Variants in HMCN1 observed in about 807,000 individuals in gnomAD.
HMCN1 encodes hemicentin 1.
Under a neutral mutation model 625.9 loss-of-function variants are expected in HMCN1, and 321 were observed. That is an observed-to-expected ratio of 0.51 (90% confidence interval 0.47 to 0.56). The LOEUF is 0.56. HMCN1 is among the 20% of genes least tolerant of loss of function. The pLI is 0.00. For missense variants in HMCN1, 6,588 were observed against 6,887.3 expected (o/e 0.96, Z 1.54); for synonymous variants, 2,425 against 2,417.6 (o/e 1.00, Z -0.09).
In HMCN1 at chr1:186,074,835, G is replaced by T. The variant is rs561957484; in HGVS notation, c.8234G>T (p.Cys2745Phe). The T allele has an allele frequency of 6.2e-7, 1 of 1,613,098 alleles. No homozygotes were observed. The change falls in exon 53 of 107, where the codon TGT becomes TTT. Residue 2745 changes from cysteine (C) to phenylalanine (F), a missense_variant. Transcript: ENST00000271588. ...AQISDTGRYT[C>F]VASNIAGEDE... ...ATATCAGACACCGGACGATATACTT[G>T]TGTAGCATCTAACATTGCAGGTGAA...
At chr1:185,749,488 T>A (rs1319851930) in intron 1 of HMCN1, among the ~76,000 whole-genome samples, 1 of 152,162 alleles carries the variant, frequency 6.6e-6, no homozygotes, top group Non-Finnish European at 1.5e-5. Context: ...CTCACGTTTA[T>A]CATCAACCCG....
chr1:185,885,870 G>A (rs1019619839), intron 4 of HMCN1, among the ~76,000 whole-genome samples: 22 of 151,944 alleles, frequency 1.4e-4, no homozygotes, highest in African/African-American at 5.3e-4. Flanking sequence ...GTAATACTGT[G>A]CTTTTCATAG....
chr1:186,056,480 A>G (rs1255818506), intron 45 of HMCN1, among the ~76,000 whole-genome samples: 1 of 151,996 alleles, frequency 6.6e-6, no homozygotes, highest in Admixed American at 6.6e-5. Context: ...TATTCACAGT[A>G]GCAAAGACAT....
intron 82 of HMCN1, among the ~76,000 whole-genome samples, chr1:186,126,254 C>CAT (rs141832430): frequency 0.47 from 70,890 of 151,198 alleles, 17,785 homozygotes; most frequent in African/African-American, 0.64. Flanking sequence ...CATAAATATT[C>CAT]ATATATATTC....
chr1:186,108,231 C>T (rs2102456579), intron 70 of HMCN1, among the ~76,000 whole-genome samples: 1 of 151,974 alleles, frequency 6.6e-6, no homozygotes, highest in South Asian at 2.1e-4. Flanking sequence ...AATTATATTA[C>T]TTCCATCATG....
chr1:185,817,362 ATGGGACAGT>A (rs1191925823), intron 1 of HMCN1, among the ~76,000 whole-genome samples: 4 of 152,218 alleles, frequency 2.6e-5, no homozygotes, highest in African/African-American at 9.6e-5. Context: ...CTCCAGGTTG[ATGGGACAGT>A]TGGAGCAAAG....
chr1:185,831,459 A>G (rs1660857591), intron 1 of HMCN1, among the ~76,000 whole-genome samples: 1 of 152,222 alleles, frequency 6.6e-6, no homozygotes, highest in South Asian at 2.1e-4. Context: ...GGGAAACACT[A>G]GAAGCACTTG....
chr1:185,783,866 T>G (rs900103452), intron 1 of HMCN1, among the ~76,000 whole-genome samples: 1 of 152,200 alleles, frequency 6.6e-6, no homozygotes, highest in African/African-American at 2.4e-5. Context: ...CTGTACCGTC[T>G]TCAAAGCTGT....
chr1:185,751,953 ACTGT>A (rs1401394137), intron 1 of HMCN1, among the ~76,000 whole-genome samples: 2 of 151,724 alleles, frequency 1.3e-5, no homozygotes, highest in Admixed American at 6.6e-5. Context: ...TGGTCTGCTG[ACTGT>A]CTGTCATTGT....
rs369263478 is a variant in HMCN1 at position 185,990,311 on chromosome 1, C to T, written c.3245C>T (p.Ser1082Phe). 76 of 1,613,850 alleles carry T rather than the reference C, an allele frequency of 4.7e-5. No homozygotes were observed. Among genetic ancestry groups the T allele is most frequent in the Non-Finnish European group, 6.1e-5 (72 of 1,179,900 alleles). The stretch of plus-strand genomic sequence containing the variant: ...GTGTTTGGAGATCAACGAGGACTGT[C>T]CCAGGATAAGCCTGTTGAGATCTCC... The part of the protein sequence containing the change: ...PRVFGDQRGL[S>F]QDKPVEISVL... The change falls in exon 22 of 107, where the codon TCC becomes TTC. Residue 1082 changes from serine (S) to phenylalanine (F), a missense_variant. Around this residue, in one of 3 missense-constraint regions of HMCN1, gnomAD observed 4,628 missense variants for 4,853.1 expected, o/e 0.95. Coordinates refer to ENST00000271588, the MANE Select transcript of HMCN1 (RefSeq NM_031935.3).
chr1:186,105,852 T>A (rs899002412), intron 69 of HMCN1, among the ~76,000 whole-genome samples: 26 of 152,158 alleles, frequency 1.7e-4, no homozygotes, highest in Admixed American at 6.5e-4. Context: ...CAATTGTGAA[T>A]GAACAGAGTT....
intron 4 of HMCN1, among the ~76,000 whole-genome samples, chr1:185,884,315 T>C (rs1448462752): frequency 6.6e-6 from 1 of 151,954 alleles, no homozygotes; most frequent in Non-Finnish European, 1.5e-5. Flanking sequence ...GGCTTACCTT[T>C]TGCATGCACA....
intron 6 of HMCN1, among the ~76,000 whole-genome samples, chr1:185,917,019 A>G (rs1555494): frequency 0.18 from 27,688 of 152,180 alleles, 7,494 homozygotes; most frequent in African/African-American, 0.59. Flanking sequence ...AGCTGTTATC[A>G]TGGCCTAGTG....
At chr1:185,960,150 C>T (rs1177215452) in intron 11 of HMCN1, among the ~76,000 whole-genome samples, 29 of 113,594 alleles carry the variant, frequency 2.6e-4, no homozygotes, top group Admixed American at 1.1e-4. Context: ...TTTTTTGAGA[C>T]GGAGTTTTGC....
chr1:186,172,504 T>TA (rs1435389562), intron 102 of HMCN1, among the ~76,000 whole-genome samples: 1 of 152,216 alleles, frequency 6.6e-6, no homozygotes, highest in African/African-American at 2.4e-5. Flanking sequence ...ATTCAAAATA[T>TA]AATTATTTTG....
intron 1 of HMCN1, among the ~76,000 whole-genome samples, chr1:185,795,454 A>C (rs1658306359): frequency 6.6e-6 from 1 of 152,206 alleles, no homozygotes; most frequent in Non-Finnish European, 1.5e-5. Flanking sequence ...TGTTGAAATG[A>C]CCTTCTAGTA....
At chr1:185,870,049 T>C (rs570699417) in intron 4 of HMCN1, among the ~76,000 whole-genome samples, 9 of 149,946 alleles carry the variant, frequency 6.0e-5, no homozygotes, top group African/African-American at 2.2e-4. Context: ...AAAAAAACAA[T>C]GATTAAGTAG....
intron 36 of HMCN1, among the ~76,000 whole-genome samples, chr1:186,030,401 T>G (rs990456130): frequency 2.0e-5 from 3 of 152,118 alleles, no homozygotes; most frequent in African/African-American, 7.2e-5. Context: ...ATAATTGGTA[T>G]ATCCTGATGA....
intron 29 of HMCN1, among the ~76,000 whole-genome samples, chr1:186,004,709 G>T: frequency 6.6e-6 from 1 of 152,068 alleles, no homozygotes; most frequent in South Asian, 2.1e-4. Flanking sequence ...ACCTTAAAAG[G>T]CAACTTGTTG....
Sources: gnomAD v4.1 joint callset for allele counts (sites outside exome capture counted in the v4.1 genomes callset) on GRCh38, gnomAD v4.1.1 for gene constraint, gnomAD v4.1.1 regional missense constraint, MANE v1.5 for transcripts, NCBI Gene and HGNC (gene_info 2026-07-23, HGNC 2026-07-21) for gene names.